The following LAMA2 variants were observed in gnomAD, a reference collection of about 807,000 sequenced individuals.
LAMA2 encodes laminin subunit alpha 2, also known as laminin subunit alpha-2.
A neutral mutation model predicts 364.8 loss-of-function variants in LAMA2; 269 were observed. That is an observed-to-expected ratio of 0.74 (90% confidence interval 0.67 to 0.82). The LOEUF (loss-of-function observed/expected upper bound fraction) is 0.82, where lower values mean the gene tolerates loss of function less well. LAMA2 is among the 40% of genes least tolerant of loss of function. LAMA2 has a pLI of 0.00. For missense variants in LAMA2, 3,807 were observed against 3,873.2 expected (o/e 0.98, Z 0.45); for synonymous variants, 1,379 against 1,370.6 (o/e 1.01, Z -0.14).
At chr6:128,921,650 A>AT (rs1243140446) in intron 1 of LAMA2, among the ~76,000 whole-genome samples, 1 of 150,028 alleles carries the variant, frequency 6.7e-6, no homozygotes, top group Non-Finnish European at 1.5e-5. Flanking sequence ...CTAGGCTGAC[A>AT]TTTTGGTTTC....
intron 18 of LAMA2, among the ~76,000 whole-genome samples, chr6:129,286,694 AAT>A (rs1286626291): frequency 0.035 from 151 of 4,280 alleles, 17 homozygotes; most frequent in Non-Finnish European, 0.066. Context: ...ATATTTATAT[AAT>A]ATATATAATA....
At chr6:128,962,183 T>TACACACACACAC (rs1242291382) in intron 1 of LAMA2, among the ~76,000 whole-genome samples, 8 of 113,922 alleles carry the variant, frequency 7.0e-5, no homozygotes, top group African/African-American at 2.8e-4. Context: ...TATATATATA[T>TACACACACACAC]ATACACACAT....
intron 58 of LAMA2, among the ~76,000 whole-genome samples, chr6:129,500,939 A>C (rs1785583937): frequency 6.6e-6 from 1 of 152,182 alleles, no homozygotes; most frequent in Non-Finnish European, 1.5e-5. Context: ...GTTCTCTTTT[A>C]AGCTACATGT....
At chr6:129,223,392 G>A (rs951443042) in intron 12 of LAMA2, among the ~76,000 whole-genome samples, 26 of 152,108 alleles carry the variant, frequency 1.7e-4, no homozygotes, top group Middle Eastern at 3.2e-3. Flanking sequence ...CTTGCTTTTC[G>A]TGTTTTAGAC....
chr6:129,257,206 G>A (rs76349571), intron 14 of LAMA2, among the ~76,000 whole-genome samples: 2,104 of 151,826 alleles, frequency 0.014, 53 homozygotes, highest in African/African-American at 0.049. Context: ...CCATACTGAA[G>A]GGGAAAAAAA....
At chr6:129,485,252 C>A (rs1363446493) in intron 55 of LAMA2, among the ~76,000 whole-genome samples, 1 of 152,102 alleles carries the variant, frequency 6.6e-6, no homozygotes, top group Non-Finnish European at 1.5e-5. Context: ...AATTTCTCCT[C>A]TTCAAGATAA....
chr6:129,337,622 C>T (rs925342514), intron 29 of LAMA2, among the ~76,000 whole-genome samples: 2 of 151,916 alleles, frequency 1.3e-5, no homozygotes, highest in African/African-American at 4.8e-5. Context: ...TCCTGTATGG[C>T]AAGAAGGTTA....
At chr6:129,235,703 G>A (rs1784937919) in intron 12 of LAMA2, among the ~76,000 whole-genome samples, 1 of 152,064 alleles carries the variant, frequency 6.6e-6, no homozygotes, top group Non-Finnish European at 1.5e-5. Context: ...GGGAATTGGG[G>A]AACTTAGTAG....
At chr6:129,157,856 G>A (rs201517228) in intron 8 of LAMA2, 1,901 of 1,614,030 alleles carry the variant, frequency 1.2e-3, no homozygotes, top group Non-Finnish European at 1.5e-3. Context: ...TGTAGGGCTG[G>A]AAGTGGTTTT....
intron 4 of LAMA2, among the ~76,000 whole-genome samples, chr6:129,112,362 C>T (rs2114902563): frequency 6.6e-6 from 1 of 152,056 alleles, no homozygotes; most frequent in Non-Finnish European, 1.5e-5. Flanking sequence ...CCATTTATCT[C>T]ATAGAAAGAT....
chr6:128,974,560 C>A (rs1199692041), intron 1 of LAMA2, among the ~76,000 whole-genome samples: 1 of 152,142 alleles, frequency 6.6e-6, no homozygotes, highest in African/African-American at 2.4e-5. Flanking sequence ...TGGGATGGAA[C>A]TGAAAGTTCA....
intron 40 of LAMA2, among the ~76,000 whole-genome samples, chr6:129,416,561 G>A (rs1780800227): frequency 6.6e-6 from 1 of 152,010 alleles, no homozygotes; most frequent in Admixed American, 6.6e-5. Flanking sequence ...CAGACCCTTT[G>A]GGCCCTACAC....
chr6:128,943,205 C>G (rs1299880433), intron 1 of LAMA2, among the ~76,000 whole-genome samples: 1 of 152,006 alleles, frequency 6.6e-6, no homozygotes, highest in Non-Finnish European at 1.5e-5. Context: ...GACTGTCTCT[C>G]TGTTTGTATA....
rs148047753 is a variant in LAMA2, at chr6:129,485,032, T to C, written c.7750-1442T>C. On this transcript the variant is annotated intron_variant, in intron 55 of 64. Coordinates refer to ENST00000421865, the MANE Select transcript of LAMA2 (RefSeq NM_000426.4). ...AGTGTTATTTTATTTCATTTCTTAC[T>C]ACACATAATAAGCACTAAATAAATA... is the stretch of plus-strand genomic sequence containing the variant. Among the ~76,000 whole-genome samples the C allele has an allele frequency of 3.7e-3, 569 of 152,342 alleles. 2 individuals are homozygous for C. Among genetic ancestry groups the C allele is most frequent in the Middle Eastern group, 0.017 (5 of 294 alleles).
intron 1 of LAMA2, among the ~76,000 whole-genome samples, chr6:128,903,053 T>A (rs1050733768): frequency 1.3e-5 from 2 of 152,140 alleles, no homozygotes; most frequent in East Asian, 3.9e-4. Context: ...TAGATTTGTG[T>A]ATGGTTTCAT....
At chr6:129,106,131 C>A (rs927083328) in intron 4 of LAMA2, among the ~76,000 whole-genome samples, 1 of 151,846 alleles carries the variant, frequency 6.6e-6, no homozygotes, top group Non-Finnish European at 1.5e-5. Flanking sequence ...CCTGGAGAAA[C>A]CATCATTAAA....
chr6:129,169,558 T>C (rs1779996386), intron 9 of LAMA2, among the ~76,000 whole-genome samples: 1 of 151,774 alleles, frequency 6.6e-6, no homozygotes, highest in Non-Finnish European at 1.5e-5. Context: ...GCTGGATTCG[T>C]TTTGCCAGTA....
intron 51 of LAMA2, among the ~76,000 whole-genome samples, chr6:129,466,744 G>A (rs1197806787): frequency 6.6e-6 from 1 of 151,838 alleles, no homozygotes; most frequent in Non-Finnish European, 1.5e-5. Context: ...GTAACTACAA[G>A]TGAATCCATA....
chr6:129,357,794 T>A (rs1452615136), intron 32 of LAMA2, among the ~76,000 whole-genome samples: 1 of 152,024 alleles, frequency 6.6e-6, no homozygotes, highest in Non-Finnish European at 1.5e-5. Flanking sequence ...ACTAGAACAC[T>A]GTTGTACATT....
Sources: allele counts gnomAD v4.1 joint callset (sites outside exome capture counted in the v4.1 genomes callset), GRCh38; gene constraint gnomAD v4.1.1; transcripts MANE v1.5; gene names NCBI Gene and HGNC (gene_info 2026-07-23, HGNC 2026-07-21).